The following FDFT1 variants were observed in gnomAD, a reference collection of about 807,000 sequenced individuals.
The protein encoded by FDFT1 is farnesyl-diphosphate farnesyltransferase 1.
A neutral mutation model predicts 46.8 loss-of-function variants in FDFT1; 68 were observed. The ratio of observed to expected loss-of-function variants is 1.45; its 90% CI spans 1.19 to 1.78. FDFT1 has a LOEUF of 1.78. Among genes scored for constraint, FDFT1 ranks in the 40% most tolerant of loss-of-function variants. FDFT1 has a pLI of 0.00. For missense variants in FDFT1, 928 were observed against 524.4 expected (o/e 1.77, Z -7.52); for synonymous variants, 351 against 185.1 (o/e 1.90, Z -7.28).
intron 3 of FDFT1, among the ~76,000 whole-genome samples, chr8:11,813,090 T>C (rs575636133): frequency 5.9e-5 from 9 of 152,294 alleles, no homozygotes; most frequent in East Asian, 5.8e-4. Flanking sequence ...CTGTAGGCAA[T>C]TGGAGCACAG....
intron 6 of FDFT1, 23 bp downstream of exon 6, chr8:11,830,443 G>A: frequency 1.9e-6 from 3 of 1,570,184 alleles, no homozygotes; most frequent in East Asian, 2.2e-5. Context: ...GCTCCTCTGG[G>A]TGGATACGGG....
intron 3 of FDFT1, 64 bp downstream of exon 3, chr8:11,809,914 G>C (rs867854355): frequency 2.9e-5 from 37 of 1,283,764 alleles, no homozygotes; most frequent in Middle Eastern, 4.7e-4. Context: ...GTGGTTGTCC[G>C]GTAGCCTCCA....
At chr8:11,796,694 T>A (rs1805596685) in intron 1 of FDFT1, among the ~76,000 whole-genome samples, 1 of 152,216 alleles carries the variant, frequency 6.6e-6, no homozygotes, top group Non-Finnish European at 1.5e-5. Flanking sequence ...TATTTGTTTT[T>A]CTGTGGTTGA....
At chr8:11,802,578 G>T (rs1404216875), upstream of FDFT1, 1 of 622,808 alleles carries the variant, frequency 1.6e-6, no homozygotes, top group Non-Finnish European at 3.0e-6. Context: ...CGACTGATTG[G>T]CCGGGGTCTT....
At chr8:11,815,537 T>G (rs1319148503) in intron 3 of FDFT1, among the ~76,000 whole-genome samples, 2 of 152,244 alleles carry the variant, frequency 1.3e-5, no homozygotes, top group Non-Finnish European at 2.9e-5. Flanking sequence ...ATCTGTTGTT[T>G]CCTGACTTTT....
At chr8:11,811,762 G>T (rs1182223348) in intron 3 of FDFT1, among the ~76,000 whole-genome samples, 2 of 152,240 alleles carry the variant, frequency 1.3e-5, no homozygotes, top group African/African-American at 4.8e-5. Flanking sequence ...AGGCACGGCT[G>T]TTTTCACTGT....
chr8:11,801,883 G>C (rs140580029), upstream of FDFT1: 68 of 447,388 alleles, frequency 1.5e-4, no homozygotes, highest in African/African-American at 1.2e-3. Context: ...GTAGAGACGG[G>C]TTTCACCATG....
chr8:11,829,441 G>T lies in FDFT1; in HGVS notation c.703-803G>T, dbSNP rs571402541. 1.5e-4 allele frequency among the ~76,000 whole-genome samples: 23 copies of T among 152,300 alleles called. 1 individual carries two copies. The South Asian group carries it at 4.8e-3, about 32-fold the overall frequency. On this transcript the variant is annotated intron_variant, in intron 5 of 7. Transcript: ENST00000220584. ...TCCAGGGAGGTGTAATACACTTAGA[G>T]GATAGACTCAGCTCATTTCCCAGCT... is the stretch of plus-strand genomic sequence containing the variant.
Position 11,809,828 on chromosome 8 carries a change from A to G in FDFT1, c.359A>G (p.Gln120Arg). ...RFMESKEKDR[Q>R]VLEDFPTISL... ...ATGGAGAGCAAGGAGAAGGATCGCCAGGTGCTGGAGGACTTCCCAACGGTG... is the reference window on the plus strand; with the variant it reads ...ATGGAGAGCAAGGAGAAGGATCGCCGGGTGCTGGAGGACTTCCCAACGGTG... The change falls in exon 3 of 8, where the codon CAG (glutamine) becomes CGG (arginine). Residue 120 changes from glutamine to arginine, a missense_variant. Physicochemically the swap from Gln to Arg is conservative, Grantham distance 43 (BLOSUM62 1). Transcript: ENST00000220584. 6.2e-7 allele frequency: 1 copy of G among 1,613,670 alleles called. No homozygotes were observed.
At chr8:11,807,427 T>G (rs371317368) in intron 1 of FDFT1, among the ~76,000 whole-genome samples, 5 of 152,314 alleles carry the variant, frequency 3.3e-5, no homozygotes, top group African/African-American at 1.2e-4. Context: ...CCTTCCGAAG[T>G]GCAGGGATTA....
intron 1 of FDFT1, 50 bp downstream of exon 1, chr8:11,802,981 C>A (rs1806327871): frequency 6.4e-7 from 1 of 1,554,678 alleles, no homozygotes; most frequent in Non-Finnish European, 8.7e-7. Context: ...GCTCGCTGGG[C>A]CGGCCTCAGG....
At chr8:11,829,820 C>A (rs1320494192) in intron 5 of FDFT1, among the ~76,000 whole-genome samples, 2 of 151,342 alleles carry the variant, frequency 1.3e-5, no homozygotes, top group African/African-American at 4.9e-5. Context: ...AGAGACTTTA[C>A]TGTATATCAT....
upstream of FDFT1, among the ~76,000 whole-genome samples, chr8:11,797,769 G>A (rs1327747965): frequency 1.3e-5 from 2 of 152,180 alleles, no homozygotes; most frequent in Non-Finnish European, 2.9e-5. Flanking sequence ...ATGGAGGCGT[G>A]GCAGGTGGCT....
In FDFT1 at chr8:11,838,483, G is replaced by C. The variant is rs751246035; in HGVS notation, c.1128G>C (p.Leu376=). ...CGCAGAATCTTCCCAACTGTCAGCT[G>C]ATTTCCCGAAGCCACTACTCCCCCA... is the stretch of plus-strand genomic sequence containing the variant. The part of the protein sequence containing the change: ...IRTQNLPNCQ[L]ISRSHYSPIY... The change falls in exon 8 of 8, where the codon CTG becomes CTC. Residue 376 remains leucine (L), a synonymous_variant. Coordinates refer to ENST00000220584, the MANE Select transcript of FDFT1 (RefSeq NM_004462.5). The C allele has an allele frequency of 1.2e-5, 20 of 1,605,648 alleles. No individual in the cohort carries two copies. In the Middle Eastern group the frequency reaches 6.6e-4, roughly 53 times the overall value.
chr8:11,820,751 T>A (rs981292034), intron 3 of FDFT1, among the ~76,000 whole-genome samples: 1 of 152,230 alleles, frequency 6.6e-6, no homozygotes, highest in Non-Finnish European at 1.5e-5. Flanking sequence ...CAGAGTATAC[T>A]GTTCCTCCAG....
chr8:11,799,537 T>C (rs970571512), upstream of FDFT1, among the ~76,000 whole-genome samples: 1 of 152,232 alleles, frequency 6.6e-6, no homozygotes, highest in African/African-American at 2.4e-5. Context: ...ATGATCTCTG[T>C]TTTAATGTTA....
rs149758644 is a variant in FDFT1, at chr8:11,796,181, C to T, written c.-94+170C>T. Among the ~76,000 whole-genome samples the T allele has an allele frequency of 6.4e-3, 981 of 152,334 alleles. 13 individuals carry two copies. Among genetic ancestry groups the T allele is most frequent in the Non-Finnish European group, 7.8e-3 (529 of 68,022 alleles). On this transcript the variant is annotated intron_variant, in intron 1 of 7. Coordinates refer to the FDFT1 transcript ENST00000538689. Reference sequence around the variant, plus strand: ...TACAAGGCTAAACAAAATACAAAGCCAAATCCTACTGTAATGGGAGTATGT... The same window carrying T: ...TACAAGGCTAAACAAAATACAAAGCTAAATCCTACTGTAATGGGAGTATGT...
chr8:11,825,482 G>C (rs1285277157), intron 4 of FDFT1, among the ~76,000 whole-genome samples: 1 of 148,746 alleles, frequency 6.7e-6, no homozygotes, highest in South Asian at 2.1e-4. Context: ...AGAGGTTGCA[G>C]TGAGTTGAGA....
Position 11,830,274 on chromosome 8 carries a change from G to A in FDFT1, c.733G>A (p.Asp245Asn). Reference protein sequence around the residue: ...VWSRYVKKLGDFAKPENIDLA... With the variant: ...VWSRYVKKLGNFAKPENIDLA... ...GAGCAGGTATGTTAAGAAGTTAGGG[G>A]ATTTTGCTAAGCCGGAGAATATTGA... Residue 245 changes from aspartate to asparagine, a missense_variant, in exon 6 of 8, where the codon GAT becomes AAT. Transcript: ENST00000220584. The A allele has an allele frequency of 5.0e-6, 8 of 1,614,060 alleles. No homozygotes were observed. The highest frequency in any genetic ancestry group is 1.3e-5 in the African/African-American group (1 of 75,024).
Sources: gnomAD v4.1 joint callset for allele counts (sites outside exome capture counted in the v4.1 genomes callset) on GRCh38, gnomAD v4.1.1 for gene constraint, MANE v1.5 for transcripts, NCBI Gene and HGNC (gene_info 2026-07-23, HGNC 2026-07-21) for gene names.